CCDC180: variants seen among roughly 807,000 people sequenced by gnomAD.
The protein encoded by CCDC180 is coiled-coil domain-containing protein 180.
In CCDC180, 154 loss-of-function variants were observed where a neutral mutation model predicts 209.2. The observed-to-expected ratio is 0.74, with a 90% CI of 0.65 to 0.84. The LOEUF (loss-of-function observed/expected upper bound fraction) is 0.84. CCDC180 is among the 40% of genes least tolerant of loss of function. The pLI is 0.00. For missense variants in CCDC180, 1,874 were observed against 1,997.3 expected, an observed-to-expected ratio of 0.94 and a Z score of 1.18; for synonymous variants, 778 against 749.1, an observed-to-expected ratio of 1.04 and a Z score of -0.63.
Position 97,362,221 on chromosome 9 carries a change from C to A in CCDC180, c.3682C>A (p.His1228Asn), listed in dbSNP as rs1490928233. The change falls in exon 28 of 37, where the codon CAC (histidine) becomes AAC (asparagine). Residue 1228 changes from histidine to asparagine, a missense_variant. By Grantham distance (68) the His-to-Asn change is moderately conservative. Coordinates refer to ENST00000529487, the MANE Select transcript of CCDC180 (RefSeq NM_020893.6). ...LQLPNTKWPT[H>N]HCDKDPSQTG... is the part of the protein sequence containing the mutation. ...ACTTCCCAACACAAAATGGCCAACCCACCATTGTGACAAAGATCCGTCCCA... is the reference window on the plus strand; with the variant it reads ...ACTTCCCAACACAAAATGGCCAACCAACCATTGTGACAAAGATCCGTCCCA... 2 of 1,613,468 alleles carry A rather than the reference C, an allele frequency of 1.2e-6. No homozygotes were observed. Among genetic ancestry groups the A allele is most frequent in the African/African-American group, 2.7e-5 (2 of 74,894 alleles).
intron 24 of CCDC180, among the ~76,000 whole-genome samples, chr9:97,356,524 G>A (rs901453015): frequency 6.6e-6 from 1 of 152,202 alleles, no homozygotes; most frequent in Non-Finnish European, 1.5e-5. Flanking sequence ...GTAAAGGCAG[G>A]CTCTGGTGGA....
intron 33 of CCDC180, 52 bp from the exon 34 acceptor site, chr9:97,371,543 T>G: frequency 8.1e-7 from 1 of 1,238,174 alleles, no homozygotes; most frequent in Non-Finnish European, 1.2e-6. Flanking sequence ...TCAGCTGGCC[T>G]TGGAGGGATG....
chr9:97,363,484 T>A lies in CCDC180; in HGVS notation c.3903-567T>A, dbSNP rs7866453. On this transcript the variant is annotated intron_variant, in intron 28 of 36. Transcript: ENST00000529487. ...TTATATGATCCAGCCATGACCTGTT[T>A]ACATGTTCAGTCTCTGAGAGGTTAC... 1,827 of 429,306 alleles carry A rather than the reference T, an allele frequency of 4.3e-3. 23 individuals carry two copies. Among genetic ancestry groups the A allele is most frequent in the African/African-American group, 0.033 (1,670 of 49,898 alleles). The allele number at this position is 429,306 out of a possible 1,614,324, so 26.6% of individuals were successfully genotyped here. A position where few individuals can be genotyped will look rare whatever the true frequency, so the allele number is the denominator to read the frequency against.
chr9:97,350,613 G>A (rs555424850), intron 22 of CCDC180, 58 bp downstream of exon 22: 15 of 1,496,934 alleles, frequency 1.0e-5, no homozygotes, highest in East Asian at 2.5e-5. Flanking sequence ...TTGGGATGTG[G>A]TCTTGTTTCC....
At chr9:97,351,526 G>T (rs1279822195) in intron 22 of CCDC180, among the ~76,000 whole-genome samples, 1 of 152,056 alleles carries the variant, frequency 6.6e-6, no homozygotes. Flanking sequence ...TTTTTGAAAG[G>T]CTATATTTAT....
rs1827226099 is a variant in CCDC180 at position 97,375,475 on chromosome 9, C to T, written c.4728C>T (p.Pro1576=). Residue 1576 remains proline, a synonymous_variant, in exon 36 of 37, where the codon CCC becomes CCT. Transcript: ENST00000529487. ...RGSRKWPGIK[P]TEVTIQNKIL... ...GTAGGAAGTGGCCAGGGATCAAACC[C>T]ACCGAAGTCACCATCCAAAACAAGA... 1.2e-6 allele frequency: 2 copies of T among 1,614,186 alleles called. No homozygotes were observed. Among genetic ancestry groups the T allele is most frequent in the Non-Finnish European group, 1.7e-6 (2 of 1,180,026 alleles).
chr9:97,324,634 C>T (rs1324686623), intron 13 of CCDC180, among the ~76,000 whole-genome samples: 4 of 152,080 alleles, frequency 2.6e-5, no homozygotes, highest in African/African-American at 9.7e-5. Flanking sequence ...TGGTGTTTGG[C>T]CCAGATGCCA....
At chr9:97,350,289 G>T in intron 21 of CCDC180, 120 bp from the exon 22 acceptor site, 1 of 946,792 alleles carries the variant, frequency 1.1e-6, no homozygotes, top group Non-Finnish European at 1.6e-6. Context: ...CCCCAGGCTG[G>T]TCATTATCGT....
chr9:97,344,873 T>A (rs1244160273), intron 19 of CCDC180, among the ~76,000 whole-genome samples: 1 of 152,176 alleles, frequency 6.6e-6, no homozygotes, highest in Admixed American at 6.5e-5. Context: ...AGCCCTCAAG[T>A]GTACCCATCC....
In CCDC180 at chr9:97,347,403, A is replaced by C. The variant is rs1826291359; in HGVS notation, c.2588A>C (p.Glu863Ala). ...GTCACCGTGGCCACCAAAATCAATG[A>C]GCTGGATTCAGAACTGGAGCTGCAT... is the stretch of plus-strand genomic sequence containing the variant. ...TRVTVATKIN[E>A]LDSELELHLH... is the part of the protein sequence containing the mutation. Residue 863 changes from glutamate (E) to alanine (A), a missense_variant, in exon 20 of 37, where the codon GAG becomes GCG. Physicochemically the swap from Glu to Ala is moderately radical, Grantham distance 107. Transcript: ENST00000529487. 1 of 1,536,018 alleles carries C rather than the reference A, an allele frequency of 6.5e-7. No homozygotes were observed. Among genetic ancestry groups the C allele is most frequent in the African/African-American group, 1.4e-5 (1 of 73,038 alleles).
intron 19 of CCDC180, among the ~76,000 whole-genome samples, chr9:97,346,448 A>G (rs1826263543): frequency 6.6e-6 from 1 of 152,248 alleles, no homozygotes; most frequent in Admixed American, 6.5e-5. Flanking sequence ...AAAGGAAGAA[A>G]TGATAAGCTG....
chr9:97,320,227 C>T, intron 11 of CCDC180, 22 bp downstream of exon 11: 6 of 1,589,102 alleles, frequency 3.8e-6, no homozygotes, highest in Non-Finnish European at 5.2e-6. Flanking sequence ...CTGCAGGACT[C>T]CACCTGCATT....
rs1826705879 is a variant in CCDC180, at chr9:97,360,050, G to A, written c.3432G>A (p.Gln1144=). The A allele has an allele frequency of 2.5e-6, 4 of 1,613,950 alleles. No individual in the cohort carries two copies. Among genetic ancestry groups the A allele is most frequent in the Non-Finnish European group, 3.4e-6 (4 of 1,179,966 alleles). Residue 1144 remains glutamine (Q), a synonymous_variant, in exon 26 of 37, where the codon CAG becomes CAA. Transcript: ENST00000529487. The part of the protein sequence containing the change: ...TWKEKLSQRI[Q]YLNCSLDRVS... ...AGGAAAAACTGAGCCAGAGGATTCAGTACCTTAACTGCAGCCTGGACAGGG... is the reference window on the plus strand; with the variant it reads ...AGGAAAAACTGAGCCAGAGGATTCAATACCTTAACTGCAGCCTGGACAGGG...
intron 25 of CCDC180, 98 bp downstream of exon 25, chr9:97,357,823 A>G: frequency 9.9e-7 from 1 of 1,006,686 alleles, no homozygotes; most frequent in Non-Finnish European, 1.5e-6. Context: ...GGATTTCTCC[A>G]GCACAAGGTT....
In CCDC180 at chr9:97,317,241, C is replaced by G. The variant is rs1470456156; in HGVS notation, c.959+13C>G. ...TGCAGAGTTTCAGGTCAGTGCCGCC[C>G]ACACAGCTCCTTCTCCAGCCCACCA... On this transcript the variant is annotated intron_variant, in intron 9 of 36. Coordinates refer to ENST00000529487, the MANE Select transcript of CCDC180 (RefSeq NM_020893.6). The G allele has an allele frequency of 5.2e-6, 8 of 1,547,334 alleles. No individual in the cohort carries two copies. The highest frequency in any genetic ancestry group is 4.1e-5 in the African/African-American group (3 of 73,546).
chr9:97,318,643 A>T, intron 10 of CCDC180, 61 bp downstream of exon 10: 2 of 1,588,046 alleles, frequency 1.3e-6, no homozygotes, highest in Non-Finnish European at 8.5e-7. Flanking sequence ...GGGAGGCAGA[A>T]GTGGCCTGCA....
chr9:97,357,823 A>C lies in CCDC180; in HGVS notation c.3363+98A>C. ...TTACCTGTGTGTATAGGATTTCTCC[A>C]GCACAAGGTTGGCGGGGTGGGGGGA... On this transcript the variant is annotated intron_variant, in intron 25 of 36. Coordinates refer to ENST00000529487, the MANE Select transcript of CCDC180 (RefSeq NM_020893.6). 12 of 1,006,686 alleles carry C rather than the reference A, an allele frequency of 1.2e-5. No individual in the cohort carries two copies. In the Admixed American group the frequency reaches 2.8e-4, roughly 24 times the overall value. The allele number at this position is 1,006,686 out of a possible 1,614,324, so 62.4% of individuals were successfully genotyped here. A position where few individuals can be genotyped will look rare whatever the true frequency, so the allele number is the denominator to read the frequency against.
chr9:97,372,205 CTG>C (rs1827120884), intron 34 of CCDC180: 2 of 152,276 alleles, frequency 1.3e-5, no homozygotes, highest in Admixed American at 1.3e-4. Context: ...TGGCTAGTCA[CTG>C]TAAAAAATGC....
intron 18 of CCDC180, among the ~76,000 whole-genome samples, chr9:97,339,507 G>C (rs1826013112): frequency 7.3e-6 from 1 of 136,738 alleles, no homozygotes; most frequent in South Asian, 2.3e-4. Flanking sequence ...CTGGCTTGCA[G>C]GGTTTCTGCT....
Sources: gnomAD v4.1 joint callset for allele counts (sites outside exome capture counted in the v4.1 genomes callset) on GRCh38, gnomAD v4.1.1 for gene constraint, MANE v1.5 for transcripts, NCBI Gene and HGNC (gene_info 2026-07-23, HGNC 2026-07-21) for gene names.